UBAC2: variants seen among roughly 807,000 people sequenced by gnomAD.
UBAC2 encodes the protein ubiquitin-associated domain-containing protein 2.
In UBAC2, 26 loss-of-function variants were observed where a neutral mutation model predicts 44.0. That is an observed-to-expected ratio of 0.59 (90% confidence interval 0.43 to 0.82). The LOEUF (loss-of-function observed/expected upper bound fraction) is 0.82. UBAC2 is among the 40% of genes least tolerant of loss of function. The pLI is 0.00. For missense variants in UBAC2, 329 were observed against 419.4 expected, an observed-to-expected ratio of 0.78 and a Z score of 1.88; for synonymous variants, 155 against 154.3, an observed-to-expected ratio of 1.00 and a Z score of -0.04.
intron 1 of UBAC2, among the ~76,000 whole-genome samples, chr13:99,228,599 A>G (rs566154627): frequency 6.6e-6 from 1 of 151,938 alleles, no homozygotes; most frequent in African/African-American, 2.4e-5. Flanking sequence ...CAGCCCCTAT[A>G]TTTATTCTTT....
intron 8 of UBAC2, 36 bp from the exon 9 acceptor site, chr13:99,385,192 A>C (rs776630621): frequency 3.4e-6 from 5 of 1,484,816 alleles, no homozygotes; most frequent in Non-Finnish European, 4.7e-6. Flanking sequence ...CGGCAATGTC[A>C]GCGCCCTCAG....
At chr13:99,315,211 C>T (rs933542891) in intron 5 of UBAC2, among the ~76,000 whole-genome samples, 2 of 152,174 alleles carry the variant, frequency 1.3e-5, no homozygotes, top group African/African-American at 4.8e-5. Flanking sequence ...GCCCCCTGAT[C>T]CTACCTGATA....
At chr13:99,358,719 AGG>A (rs1213386733) in intron 7 of UBAC2, among the ~76,000 whole-genome samples, 6 of 152,180 alleles carry the variant, frequency 3.9e-5, no homozygotes, top group African/African-American at 1.4e-4. Flanking sequence ...AGTGAGAGTG[AGG>A]GTGGAGACAG....
chr13:99,319,170 T>G (rs1171318428), intron 6 of UBAC2, among the ~76,000 whole-genome samples: 1 of 152,196 alleles, frequency 6.6e-6, no homozygotes, highest in Non-Finnish European at 1.5e-5. Flanking sequence ...TGCTATTGTA[T>G]TTTAATAATA....
At chr13:99,339,784 G>A (rs1401530845) in intron 6 of UBAC2, among the ~76,000 whole-genome samples, 1 of 152,112 alleles carries the variant, frequency 6.6e-6, no homozygotes, top group African/African-American at 2.4e-5. Context: ...TATTGGTGAG[G>A]ATTTTAAATG....
intron 1 of UBAC2, among the ~76,000 whole-genome samples, chr13:99,216,867 G>T (rs1436013563): frequency 1.4e-5 from 2 of 139,000 alleles, no homozygotes; most frequent in African/African-American, 5.6e-5. Context: ...TCTTGCCCTT[G>T]TCCCCCAGGC....
At chr13:99,265,973 T>G (rs2043738337) in intron 4 of UBAC2, among the ~76,000 whole-genome samples, 1 of 152,160 alleles carries the variant, frequency 6.6e-6, no homozygotes, top group Non-Finnish European at 1.5e-5. Context: ...ATGAAATAGA[T>G]CCAGATTTCT....
chr13:99,212,258 G>A (rs185243048), intron 1 of UBAC2, among the ~76,000 whole-genome samples: 239 of 152,252 alleles, frequency 1.6e-3, no homozygotes, highest in African/African-American at 5.5e-3. Context: ...CAATAATTTA[G>A]CATTTTTGAA....
chr13:99,352,538 C>T (rs2045109067), intron 7 of UBAC2, among the ~76,000 whole-genome samples: 1 of 152,218 alleles, frequency 6.6e-6, no homozygotes, highest in African/African-American at 2.4e-5. Flanking sequence ...CAAGATCTGC[C>T]TAGTAGAGCT....
intron 6 of UBAC2, 72 bp from the exon 7 acceptor site, chr13:99,340,248 G>T: frequency 6.4e-7 from 1 of 1,555,278 alleles, no homozygotes; most frequent in South Asian, 1.2e-5. Flanking sequence ...GGAGGCTGCT[G>T]ATTTTTGAGT....
At chr13:99,352,173 T>A (rs2045103252) in intron 7 of UBAC2, among the ~76,000 whole-genome samples, 1 of 152,194 alleles carries the variant, frequency 6.6e-6, no homozygotes, top group African/African-American at 2.4e-5. Context: ...TATTTACTGG[T>A]CCTTGATGTA....
chr13:99,203,023 T>TTTTTTTTA (rs1555317916), intron 1 of UBAC2, among the ~76,000 whole-genome samples: 1 of 146,522 alleles, frequency 6.8e-6, no homozygotes, highest in South Asian at 2.2e-4. Flanking sequence ...CTTTGTTTTA[T>TTTTTTTTA]TTTATTTATT....
At chr13:99,382,431 C>T (rs2045563618) in intron 8 of UBAC2, among the ~76,000 whole-genome samples, 1 of 152,240 alleles carries the variant, frequency 6.6e-6, no homozygotes, top group Admixed American at 6.5e-5. Context: ...AGTGCATGCA[C>T]AGGCACACAC....
intron 8 of UBAC2, among the ~76,000 whole-genome samples, chr13:99,370,234 G>A (rs2045386957): frequency 6.6e-6 from 1 of 152,182 alleles, no homozygotes; most frequent in Admixed American, 6.5e-5. Flanking sequence ...GCTCTCAAAT[G>A]GCTTAGGAAT....
At chr13:99,247,520 GT>G (rs547961871) in intron 4 of UBAC2, among the ~76,000 whole-genome samples, 299 of 151,140 alleles carry the variant, frequency 2.0e-3, no homozygotes, top group Non-Finnish European at 3.8e-3. Context: ...GGCCTGTGTT[GT>G]TTTTTTTTAA....
intron 6 of UBAC2, among the ~76,000 whole-genome samples, chr13:99,322,594 T>G (rs1180561272): frequency 6.6e-6 from 1 of 152,224 alleles, no homozygotes; most frequent in Non-Finnish European, 1.5e-5. Context: ...AGCCCTTCAC[T>G]GTACCCATTT....
chr13:99,343,619 T>A (rs996984194), intron 7 of UBAC2, among the ~76,000 whole-genome samples: 4 of 152,248 alleles, frequency 2.6e-5, no homozygotes, highest in African/African-American at 9.6e-5. Flanking sequence ...GGCTTTTACG[T>A]TGAGTGGTCT....
At chr13:99,312,190 C>A (rs1769957370) in intron 4 of UBAC2, among the ~76,000 whole-genome samples, 1 of 152,240 alleles carries the variant, frequency 6.6e-6, no homozygotes, top group African/African-American at 2.4e-5. Flanking sequence ...ATAACGTAGT[C>A]TCTATCAAGG....
rs538280529 is a variant in UBAC2 at position 99,279,337 on chromosome 13, GAGAGAATAA to G, written c.389+34715_389+34723del. On this transcript the variant is annotated intron_variant, in intron 4 of 8. Transcript: ENST00000403766. Reference sequence around the variant, plus strand: ...AATTTGTATCTAGAATGAAGGATGTGAGAGAATAAACTGCCACCATTCAAGTGTTTCAAG... The same window carrying G: ...AATTTGTATCTAGAATGAAGGATGTGACTGCCACCATTCAAGTGTTTCAAG... Among the ~76,000 whole-genome samples, 286 of 152,292 alleles carry G rather than the reference GAGAGAATAA, an allele frequency of 1.9e-3. 2 individuals carry two copies. Among genetic ancestry groups the G allele is most frequent in the African/African-American group, 6.7e-3 (277 of 41,554 alleles).
Sources: allele counts gnomAD v4.1 joint callset (sites outside exome capture counted in the v4.1 genomes callset), GRCh38; gene constraint gnomAD v4.1.1; transcripts MANE v1.5; gene names NCBI Gene and HGNC (gene_info 2026-07-23, HGNC 2026-07-21).